SAMD5: variants seen among roughly 807,000 people sequenced by gnomAD.
SAMD5 encodes the protein sterile alpha motif domain containing 5.
A neutral mutation model predicts 11.3 loss-of-function variants in SAMD5; 13 were observed. The observed-to-expected ratio is 1.15, with a 90% CI of 0.75 to 1.83. The LOEUF is 1.83. Ranked by LOEUF, SAMD5 falls within the 40% of genes most tolerant of loss-of-function variation. SAMD5 has a pLI of 0.00. For synonymous variants in SAMD5, 129 were observed against 111.3 expected, an observed-to-expected ratio of 1.16 and a Z score of -1.00; for missense variants, 255 against 239.1, an observed-to-expected ratio of 1.07 and a Z score of -0.44.
At chr6:147,869,367 G>A in the SAMD5 span, among the ~76,000 whole-genome samples, 1 of 152,162 alleles carries the variant, frequency 6.6e-6, no homozygotes, top group African/African-American at 2.4e-5. Flanking sequence ...TTCTTCAAAT[G>A]GGCATAGATT....
intron 1 of SAMD5, among the ~76,000 whole-genome samples, chr6:147,519,194 AT>A (rs1167904517): frequency 1.3e-5 from 2 of 152,280 alleles, no homozygotes; most frequent in East Asian, 3.9e-4. Flanking sequence ...AAATTTAAAG[AT>A]TTTTTCCCCT....
At chr6:147,720,952 G>T in intron 1 of SAMD5, among the ~76,000 whole-genome samples, 2 of 130,698 alleles carry the variant, frequency 1.5e-5, no homozygotes, top group African/African-American at 5.9e-5. Flanking sequence ...TGCGGCGTTT[G>T]GTTTTTTGTT....
rs554842333 is a variant in SAMD5, at chr6:147,535,381, G to A, written c.459+25994G>A. On this transcript the variant is annotated intron_variant, in intron 1 of 1. Transcript: ENST00000367474. Reference sequence around the variant, plus strand: ...TCCTAGGATGAGGAGTACAAATTTCGATTTTAAAAGCAAAGATTTGAAAAC... The same window carrying A: ...TCCTAGGATGAGGAGTACAAATTTCAATTTTAAAAGCAAAGATTTGAAAAC... Among the ~76,000 whole-genome samples, 7 of 152,270 alleles carry A rather than the reference G, an allele frequency of 4.6e-5. No individual in the cohort carries two copies. The East Asian group carries it at 7.7e-4, about 17-fold the overall frequency.
At chr6:147,943,294 T>C in the SAMD5 span, among the ~76,000 whole-genome samples, 19 of 152,260 alleles carry the variant, frequency 1.2e-4, no homozygotes, top group African/African-American at 4.6e-4. Context: ...GTTGTTTTTT[T>C]CCCCCTCAAC....
chr6:147,870,010 C>T, the SAMD5 span, among the ~76,000 whole-genome samples: 424 of 152,216 alleles, frequency 2.8e-3, 1 homozygote, highest in African/African-American at 9.7e-3. Context: ...CCACCACGCC[C>T]GGCCAATATA....
At chr6:147,735,314 T>A (rs541853334) in intron 1 of SAMD5, among the ~76,000 whole-genome samples, 1 of 152,314 alleles carries the variant, frequency 6.6e-6, no homozygotes, top group East Asian at 1.9e-4. Flanking sequence ...TGGCATAGGA[T>A]GTTAGAAGAG....
chr6:147,661,988 C>A (rs1190278742), intron 1 of SAMD5, among the ~76,000 whole-genome samples: 1 of 152,166 alleles, frequency 6.6e-6, no homozygotes, highest in Non-Finnish European at 1.5e-5. Context: ...CACGGTTGCC[C>A]ATTCTGTAGC....
intron 1 of SAMD5, among the ~76,000 whole-genome samples, chr6:147,618,427 G>T (rs1215956617): frequency 6.6e-6 from 1 of 152,194 alleles, no homozygotes; most frequent in Non-Finnish European, 1.5e-5. Flanking sequence ...CCCAGAGATT[G>T]GGAGGAAGGT....
At chr6:147,888,286 C>A in the SAMD5 span, among the ~76,000 whole-genome samples, 3 of 151,932 alleles carry the variant, frequency 2.0e-5, no homozygotes, top group African/African-American at 7.3e-5. Context: ...ACGTTTTCAT[C>A]TGTTATTATT....
chr6:147,646,731 C>T (rs1328218781), intron 1 of SAMD5, among the ~76,000 whole-genome samples: 1 of 152,018 alleles, frequency 6.6e-6, no homozygotes, highest in Non-Finnish European at 1.5e-5. Context: ...ATAAAATAAA[C>T]TTGAAATTTC....
chr6:147,804,283 T>G, the SAMD5 span, among the ~76,000 whole-genome samples: 6 of 151,966 alleles, frequency 3.9e-5, no homozygotes, highest in African/African-American at 9.7e-5. Context: ...AATTTTTTTT[T>G]GTATTTTTAG....
At chr6:147,953,817 T>G in the SAMD5 span, 2 of 152,238 alleles carry the variant, frequency 1.3e-5, no homozygotes, top group Non-Finnish European at 2.9e-5. Context: ...GCACCCAAGT[T>G]TAAGTGCAGT....
At chr6:147,762,434 G>A in the SAMD5 span, among the ~76,000 whole-genome samples, 5 of 151,934 alleles carry the variant, frequency 3.3e-5, no homozygotes, top group Admixed American at 6.6e-5. Flanking sequence ...CCTGACCTCA[G>A]GTGATCCACC....
At chr6:147,764,332 A>G in the SAMD5 span, among the ~76,000 whole-genome samples, 3 of 152,230 alleles carry the variant, frequency 2.0e-5, no homozygotes, top group East Asian at 1.9e-4. Flanking sequence ...TACCACATCT[A>G]GTAGCATTCT....
chr6:147,579,558 C>G (rs970471413), intron 1 of SAMD5, among the ~76,000 whole-genome samples: 1 of 145,228 alleles, frequency 6.9e-6, no homozygotes. Flanking sequence ...CTCTCCCTCC[C>G]AAGTTCAAGC....
chr6:147,909,614 T>TTCTCTCTCTC, the SAMD5 span, among the ~76,000 whole-genome samples: 3 of 77,272 alleles, frequency 3.9e-5, no homozygotes, highest in Admixed American at 2.5e-4. Context: ...CTTTCTTTCT[T>TTCTCTCTCTC]TCTTTCTTTC....
At position 147,630,981 on chromosome 6, in the gene SAMD5, G is replaced by A. The variant is rs192518065; in HGVS notation, c.163-106336G>A. Among the ~76,000 whole-genome samples the A allele has an allele frequency of 4.6e-5, 7 of 151,402 alleles. No individual in the cohort carries two copies. In the East Asian group the frequency reaches 7.8e-4, roughly 17 times the overall value. On this transcript the variant is annotated intron_variant, in intron 1 of 1. Coordinates refer to the SAMD5 transcript ENST00000566741. ...CATGTTTCAGAGGTGTCTGATCACC[G>A]CGGGGACACCTGCCTTGATCCTTCA... is the stretch of plus-strand genomic sequence containing the variant.
the SAMD5 span, among the ~76,000 whole-genome samples, chr6:147,922,963 C>T: frequency 2.0e-5 from 3 of 152,074 alleles, no homozygotes; most frequent in Non-Finnish European, 4.4e-5. Context: ...CCCAACTCTG[C>T]CCCTGCACCC....
the SAMD5 span, among the ~76,000 whole-genome samples, chr6:147,773,511 GT>G: frequency 6.6e-6 from 1 of 152,198 alleles, no homozygotes; most frequent in African/African-American, 2.4e-5. Context: ...AGTTCTGGGG[GT>G]TGGAAAATCC....
Sources: gnomAD v4.1 joint callset for allele counts (sites outside exome capture counted in the v4.1 genomes callset) on GRCh38, gnomAD v4.1.1 for gene constraint, MANE v1.5 for transcripts, NCBI Gene and HGNC (gene_info 2026-07-23, HGNC 2026-07-21) for gene names.